SAMD5: variants seen among roughly 807,000 people sequenced by gnomAD.
SAMD5 encodes the protein sterile alpha motif domain containing 5, also known as sterile alpha motif domain-containing protein 5.
In SAMD5, 13 loss-of-function variants were observed where a neutral mutation model predicts 11.3. That is an observed-to-expected ratio of 1.15 (90% confidence interval 0.75 to 1.83). The LOEUF is 1.83. SAMD5 is among the 40% of genes most tolerant of loss of function. The pLI is 0.00. For missense variants in SAMD5, 255 were observed against 239.1 expected (o/e 1.07, Z -0.44); for synonymous variants, 129 against 111.3 (o/e 1.16, Z -1.00).
At chr6:147,512,967 C>A (rs780110278) in intron 1 of SAMD5, among the ~76,000 whole-genome samples, 4 of 152,150 alleles carry the variant, frequency 2.6e-5, no homozygotes, top group Non-Finnish European at 5.9e-5. Flanking sequence ...TGGCCTATGA[C>A]CTGAGTACTG....
intron 1 of SAMD5, among the ~76,000 whole-genome samples, chr6:147,621,095 G>A (rs545799143): frequency 2.0e-5 from 3 of 152,108 alleles, no homozygotes; most frequent in Admixed American, 6.5e-5. Context: ...AGGGTCTTAC[G>A]TGTCGGGCTA....
At chr6:147,570,703 A>G (rs1458476011), downstream of SAMD5, among the ~76,000 whole-genome samples, 1 of 151,334 alleles carries the variant, frequency 6.6e-6, no homozygotes, top group Non-Finnish European at 1.5e-5. Context: ...CTGGATGCAA[A>G]ATGAGAAGAA....
At chr6:147,873,366 A>G in the SAMD5 span, among the ~76,000 whole-genome samples, 1 of 149,484 alleles carries the variant, frequency 6.7e-6, no homozygotes, top group South Asian at 2.1e-4. Flanking sequence ...ACAGAGTGAG[A>G]CTCCATCTCA....
At chr6:147,942,758 A>G in the SAMD5 span, among the ~76,000 whole-genome samples, 1 of 152,042 alleles carries the variant, frequency 6.6e-6, no homozygotes, top group Non-Finnish European at 1.5e-5. Context: ...TCTGATTACA[A>G]TCTAAATACT....
chr6:147,625,280 G>A (rs1790034180), intron 1 of SAMD5, among the ~76,000 whole-genome samples: 1 of 152,180 alleles, frequency 6.6e-6, no homozygotes, highest in African/African-American at 2.4e-5. Context: ...AGTCGTCATG[G>A]TAAATGCTGC....
intron 1 of SAMD5, among the ~76,000 whole-genome samples, chr6:147,531,842 G>A (rs1480956394): frequency 6.6e-6 from 1 of 151,936 alleles, no homozygotes; most frequent in South Asian, 2.1e-4. Context: ...GTAATAAAAC[G>A]ACCCATAATA....
intron 1 of SAMD5, among the ~76,000 whole-genome samples, chr6:147,509,714 T>A (rs1428718192): frequency 3.3e-5 from 5 of 152,152 alleles, no homozygotes; most frequent in African/African-American, 4.8e-5. Flanking sequence ...CCTAACGCCC[T>A]CTATAGTAGT....
At chr6:147,666,460 G>T (rs1368181274) in intron 1 of SAMD5, among the ~76,000 whole-genome samples, 2 of 152,040 alleles carry the variant, frequency 1.3e-5, no homozygotes, top group African/African-American at 2.4e-5. Context: ...CTTTTGTGCT[G>T]GCTGCTAAAG....
the SAMD5 span, among the ~76,000 whole-genome samples, chr6:147,877,897 A>AGCTAGCTAGATG: frequency 1.0e-5 from 1 of 98,352 alleles, no homozygotes; most frequent in African/African-American, 4.2e-5. Context: ...ATAGATAGCT[A>AGCTAGCTAGATG]GATAGATAGA....
At position 147,703,124 on chromosome 6, in the gene SAMD5, A is replaced by G. The variant is rs546924781; in HGVS notation, c.163-34193A>G. Among the ~76,000 whole-genome samples, 11 of 151,914 alleles carry G rather than the reference A, an allele frequency of 7.2e-5. No individual in the cohort carries two copies. The South Asian group carries it at 2.3e-3, about 32-fold the overall frequency. ...GCTCTGTCACCCAGGCTGGAGTGCAATGGTATGATCTCGGCTCACTGCAAC... is the reference window on the plus strand; with the variant it reads ...GCTCTGTCACCCAGGCTGGAGTGCAGTGGTATGATCTCGGCTCACTGCAAC... On this transcript the variant is annotated intron_variant, in intron 1 of 1. Transcript: ENST00000566741.
chr6:147,645,536 T>G (rs911706584), intron 1 of SAMD5, among the ~76,000 whole-genome samples: 2 of 152,144 alleles, frequency 1.3e-5, no homozygotes, highest in Non-Finnish European at 2.9e-5. Context: ...ACAGAGGCCA[T>G]CCTGGGAAAA....
At chr6:147,549,141 T>A (rs1376989940) in intron 1 of SAMD5, among the ~76,000 whole-genome samples, 3 of 152,202 alleles carry the variant, frequency 2.0e-5, no homozygotes, top group African/African-American at 7.2e-5. Flanking sequence ...CCATTGAAAC[T>A]GTGAGGTCAT....
the SAMD5 span, among the ~76,000 whole-genome samples, chr6:147,820,203 A>C: frequency 6.6e-6 from 1 of 152,042 alleles, no homozygotes; most frequent in African/African-American, 2.4e-5. Context: ...TGCTTTAAAC[A>C]TATTTCTGAT....
chr6:147,864,485 AG>A, the SAMD5 span, among the ~76,000 whole-genome samples: 10 of 152,356 alleles, frequency 6.6e-5, no homozygotes, highest in East Asian at 1.5e-3. Flanking sequence ...GAAAGGTGTT[AG>A]AAATGAGATG....
chr6:147,796,534 T>C, the SAMD5 span, among the ~76,000 whole-genome samples: 1 of 152,220 alleles, frequency 6.6e-6, no homozygotes, highest in African/African-American at 2.4e-5. Context: ...GGCTTAGGAT[T>C]GACTTGGCGA....
intron 1 of SAMD5, among the ~76,000 whole-genome samples, chr6:147,665,361 T>C (rs1181524572): frequency 2.6e-5 from 4 of 152,240 alleles, no homozygotes; most frequent in Non-Finnish European, 4.4e-5. Context: ...AAACTTGTTA[T>C]GTCTACATGG....
At chr6:147,806,588 A>G in the SAMD5 span, among the ~76,000 whole-genome samples, 1 of 152,154 alleles carries the variant, frequency 6.6e-6, no homozygotes. Context: ...TTGCCTGCCT[A>G]TACCACTGAA....
the SAMD5 span, among the ~76,000 whole-genome samples, chr6:147,789,910 G>T: frequency 6.6e-6 from 1 of 152,182 alleles, no homozygotes; most frequent in Non-Finnish European, 1.5e-5. Context: ...TCTATTAGAA[G>T]GGCTAAAATC....
At chr6:147,641,391 T>C (rs928018296) in intron 1 of SAMD5, among the ~76,000 whole-genome samples, 5 of 152,218 alleles carry the variant, frequency 3.3e-5, no homozygotes, top group Non-Finnish European at 5.9e-5. Flanking sequence ...ACAATATATG[T>C]GATGGAGCAA....
Sources: allele counts gnomAD v4.1 joint callset (sites outside exome capture counted in the v4.1 genomes callset), GRCh38; gene constraint gnomAD v4.1.1; transcripts MANE v1.5; gene names NCBI Gene and HGNC (gene_info 2026-07-23, HGNC 2026-07-21).